Variants in ATP6V0D1 observed in about 807,000 individuals in gnomAD.
ATP6V0D1 encodes V-type proton ATPase subunit d 1.
Under a neutral mutation model 39.0 loss-of-function variants are expected in ATP6V0D1, and 13 were observed. That is an observed-to-expected ratio of 0.33 (90% CI 0.22 to 0.53). The LOEUF (loss-of-function observed/expected upper bound fraction) is 0.53. ATP6V0D1 is among the 20% of genes least tolerant of loss of function. The pLI is 0.94. For missense variants in ATP6V0D1, 272 were observed against 470.9 expected, an observed-to-expected ratio of 0.58 and a Z score of 3.91; for synonymous variants, 191 against 191.2, an observed-to-expected ratio of 1.00 and a Z score of 0.01.
In ATP6V0D1 at chr16:67,447,318, A is replaced by G. The variant is rs2041128312; in HGVS notation, c.303-2612T>C. Among the ~76,000 whole-genome samples the G allele has an allele frequency of 6.6e-6, 1 of 152,234 alleles. No homozygotes were observed. The highest frequency in any genetic ancestry group is 2.1e-4 in the South Asian group (1 of 4,836). On this transcript the variant is annotated intron_variant, in intron 2 of 7. Coordinates refer to ENST00000290949, the MANE Select transcript of ATP6V0D1 (RefSeq NM_004691.5). This position sits in a 1 kb window ranked among gnomAD's most constrained non-coding sequence, Gnocchi z 4.1. ...TTCTCTCCTGCCCAGTGAGGGGCAG[A>G]ATCCTCTTTTTCAGGAGATGAGAGG...
intron 1 of ATP6V0D1, among the ~76,000 whole-genome samples, chr16:67,465,344 T>C (rs922143456): frequency 4.6e-5 from 7 of 152,188 alleles, no homozygotes; most frequent in African/African-American, 1.4e-4. Flanking sequence ...ACATGCCACA[T>C]ACATCCTACA....
chr16:67,481,122 A>C lies in ATP6V0D1; in HGVS notation c.-36T>G. On this transcript the variant is annotated 5_prime_UTR_variant, in exon 1 of 8. Transcript: ENST00000290949. ...GGAGCGGCGGGACCGGAGAACCAGGACCGGCCGGCACGAATCGCGACTCCC... is the reference window on the plus strand; with the variant it reads ...GGAGCGGCGGGACCGGAGAACCAGGCCCGGCCGGCACGAATCGCGACTCCC... 2 of 1,611,694 alleles carry C rather than the reference A, an allele frequency of 1.2e-6. No individual in the cohort carries two copies. Among genetic ancestry groups the C allele is most frequent in the South Asian group, 1.1e-5 (1 of 90,906 alleles).
chr16:67,438,495 A>AC lies in ATP6V0D1; in HGVS notation c.*32_*33insG. 2 of 1,611,454 alleles carry AC rather than the reference A, an allele frequency of 1.2e-6. No homozygotes were observed. Among genetic ancestry groups the AC allele is most frequent in the Non-Finnish European group, 1.7e-6 (2 of 1,178,528 alleles). ...CGCGCACACACACACACACACACAC[A>AC]AAGAGTGCAATTGAGAGCCTTGGGC... On this transcript the variant is annotated 3_prime_UTR_variant, in exon 8 of 8. Transcript: ENST00000290949.
intron 2 of ATP6V0D1, among the ~76,000 whole-genome samples, chr16:67,446,360 A>C (rs11860837): frequency 7.9e-5 from 12 of 152,070 alleles, no homozygotes; most frequent in Non-Finnish European, 1.5e-4. Context: ...CTGGGCCTGG[A>C]GCCAGGCAAC....
chr16:67,454,242 A>G (rs924407896), intron 1 of ATP6V0D1, among the ~76,000 whole-genome samples: 12 of 152,232 alleles, frequency 7.9e-5, no homozygotes, highest in African/African-American at 2.9e-4. Flanking sequence ...GCTGGGCCAC[A>G]GCAAAGGGCA....
At chr16:67,474,834 A>G (rs1321811109) in intron 1 of ATP6V0D1, among the ~76,000 whole-genome samples, 1 of 152,068 alleles carries the variant, frequency 6.6e-6, no homozygotes, top group African/African-American at 2.4e-5. Flanking sequence ...CACTTCTACA[A>G]CGTGTTCCTT....
chr16:67,474,536 C>T (rs1033859559), intron 1 of ATP6V0D1, among the ~76,000 whole-genome samples: 6 of 152,220 alleles, frequency 3.9e-5, no homozygotes, highest in African/African-American at 1.4e-4. Flanking sequence ...CACTCACTAC[C>T]TCATTTATTT....
At chr16:67,479,213 ATT>A (rs574026889) in intron 1 of ATP6V0D1, among the ~76,000 whole-genome samples, 3 of 142,340 alleles carry the variant, frequency 2.1e-5, no homozygotes, top group Admixed American at 7.0e-5. Flanking sequence ...TGTACTGCCG[ATT>A]TTTTTTTTTT....
At chr16:67,452,642 G>T (rs897050866) in intron 2 of ATP6V0D1, among the ~76,000 whole-genome samples, 2 of 152,204 alleles carry the variant, frequency 1.3e-5, no homozygotes, top group Non-Finnish European at 2.9e-5. Flanking sequence ...GACGCTAGCC[G>T]CTGAGCATGC....
intron 4 of ATP6V0D1, among the ~76,000 whole-genome samples, chr16:67,442,616 T>C (rs983996415): frequency 2.0e-5 from 3 of 151,904 alleles, no homozygotes; most frequent in African/African-American, 7.3e-5. Flanking sequence ...ATGAGGACAG[T>C]GGGAAGTGGC....
intron 4 of ATP6V0D1, among the ~76,000 whole-genome samples, chr16:67,442,759 T>C (rs2041067590): frequency 6.6e-6 from 1 of 152,088 alleles, no homozygotes; most frequent in Non-Finnish European, 1.5e-5. Flanking sequence ...ATAGCTTAGG[T>C]AGGGCGGTTC....
rs2041276466 is a variant in ATP6V0D1 at position 67,459,960 on chromosome 16, C to G, written c.131-6245G>C. ...AGGGGTCTTGCTGGCCAGCTGGCCA[C>G]AGCACAGTGTGAGAGGACAGAGTGT... On this transcript the variant is annotated intron_variant, in intron 1 of 7. Transcript: ENST00000290949. 3.3e-5 allele frequency among the ~76,000 whole-genome samples: 5 copies of G among 152,274 alleles called. No individual in the cohort carries two copies. The South Asian group carries it at 1.0e-3, about 31-fold the overall frequency.
intron 1 of ATP6V0D1, among the ~76,000 whole-genome samples, chr16:67,476,738 T>C (rs907021411): frequency 6.6e-6 from 1 of 151,986 alleles, no homozygotes; most frequent in Admixed American, 6.6e-5. Flanking sequence ...TGCCTCCCAA[T>C]AGAGGTACAA....
At position 67,459,290 on chromosome 16, in the gene ATP6V0D1, T is replaced by C. The variant is rs894952602; in HGVS notation, c.131-5575A>G. The stretch of plus-strand genomic sequence containing the variant: ...GAAGACACACCCCCAGCCTGGAAAG[T>C]GAGAGTCCCTGCCCTCCCACCTCCA... On this transcript the variant is annotated intron_variant, in intron 1 of 7. Coordinates refer to ENST00000290949, the MANE Select transcript of ATP6V0D1 (RefSeq NM_004691.5). 3 of 983,932 alleles carry C rather than the reference T, an allele frequency of 3.0e-6. No homozygotes were observed. The African/African-American group carries it at 5.2e-5, about 17-fold the overall frequency. 61.0% of individuals were successfully genotyped at this position (983,932 alleles called of 1,614,324 possible). A position where few individuals can be genotyped will look rare whatever the true frequency, so the allele number is the denominator to read the frequency against.
rs781062313 is a variant in ATP6V0D1, at chr16:67,443,120, G to A, written c.540C>T (p.Ile180=). 6.2e-6 allele frequency: 10 copies of A among 1,613,728 alleles called. No individual in the cohort carries two copies. The highest frequency in any genetic ancestry group is 3.3e-5 in the Admixed American group (2 of 60,006). ...EQDLDEMNIE[I]IRNTLYKAYL... is the part of the protein sequence containing the mutation. The stretch of plus-strand genomic sequence containing the variant: ...TTACCTTGTAGAGGGTGTTGCGGAT[G>A]ATCTCGATGTTCATCTCGTCAAGGT... Residue 180 remains isoleucine (I), a synonymous_variant, in exon 4 of 8, where the codon ATC becomes ATT. Coordinates refer to ENST00000290949, the MANE Select transcript of ATP6V0D1 (RefSeq NM_004691.5).
In ATP6V0D1 at chr16:67,453,279, CAT is replaced by C. The variant is rs1287570360; in HGVS notation, c.302+263_302+264del. On this transcript the variant is annotated intron_variant, in intron 2 of 7. Coordinates refer to ENST00000290949, the MANE Select transcript of ATP6V0D1 (RefSeq NM_004691.5). This position sits in a 1 kb window ranked among gnomAD's most constrained non-coding sequence, Gnocchi z 4.1. Reference sequence around the variant, plus strand: ...GCGTGGGACACTCTTGCCTGCCCATCATATCTTCAGCCAGTAGTGAACGTGCT... The same window carrying C: ...GCGTGGGACACTCTTGCCTGCCCATCATCTTCAGCCAGTAGTGAACGTGCT... Among the ~76,000 whole-genome samples the C allele has an allele frequency of 6.6e-6, 1 of 152,218 alleles. No individual in the cohort carries two copies. Among genetic ancestry groups the C allele is most frequent in the African/African-American group, 2.4e-5 (1 of 41,464 alleles).
chr16:67,458,712 A>G (rs1288857558), intron 1 of ATP6V0D1, among the ~76,000 whole-genome samples: 1 of 152,190 alleles, frequency 6.6e-6, no homozygotes, highest in Non-Finnish European at 1.5e-5. Context: ...GCTCTCAGGA[A>G]GTTCTCTCTG....
chr16:67,468,459 A>T (rs1046723385), intron 1 of ATP6V0D1, among the ~76,000 whole-genome samples: 12 of 151,952 alleles, frequency 7.9e-5, no homozygotes, highest in African/African-American at 2.9e-4. Context: ...GCGGTGGTGC[A>T]TGCCTGTAGC....
chr16:67,444,466 C>T lies in ATP6V0D1; in HGVS notation c.481+62G>A. The T allele has an allele frequency of 6.6e-7, 1 of 1,518,246 alleles. No individual in the cohort carries two copies. Among genetic ancestry groups the T allele is most frequent in the Non-Finnish European group, 8.9e-7 (1 of 1,124,672 alleles). 94.0% of individuals were successfully genotyped at this position (1,518,246 alleles called of 1,614,324 possible). A position where few individuals can be genotyped will look rare whatever the true frequency, so the allele number is the denominator to read the frequency against. ...TCGCCCCCCAGCGGGTCCACAAACC[C>T]CACCCTGATGCGCTGATGCTGACAC... On this transcript the variant is annotated intron_variant, in intron 3 of 7. Coordinates refer to ENST00000290949, the MANE Select transcript of ATP6V0D1 (RefSeq NM_004691.5). This position sits in a 1 kb window ranked among gnomAD's most constrained non-coding sequence, Gnocchi z 4.8.
Sources: gnomAD v4.1 joint callset for allele counts (sites outside exome capture counted in the v4.1 genomes callset) on GRCh38, gnomAD v4.1.1 for gene constraint, Gnocchi (gnomAD v3.1) non-coding constraint, MANE v1.5 for transcripts, NCBI Gene and HGNC (gene_info 2026-07-23, HGNC 2026-07-21) for gene names.